Variants in RAI14 observed in about 807,000 individuals in gnomAD.
The protein encoded by RAI14 is retinoic acid induced 14.
Under a neutral mutation model 115.4 loss-of-function variants are expected in RAI14, and 45 were observed. The ratio of observed to expected loss-of-function variants is 0.39; its 90% CI spans 0.31 to 0.50. The LOEUF (loss-of-function observed/expected upper bound fraction) is 0.50. RAI14 is among the 20% of genes least tolerant of loss of function. RAI14 has a pLI of 0.85. For synonymous variants in RAI14, 371 were observed against 415.4 expected (o/e 0.89, Z 1.30); for missense variants, 939 against 1,131.2 (o/e 0.83, Z 2.44).
At chr5:34,804,673 G>A (rs1200454298) in intron 5 of RAI14, among the ~76,000 whole-genome samples, 1 of 152,188 alleles carries the variant, frequency 6.6e-6, no homozygotes, top group Non-Finnish European at 1.5e-5. Flanking sequence ...CCAGTTCCAA[G>A]AATGCTTAAC....
chr5:34,672,912 T>C (rs1743719547), intron 1 of RAI14, among the ~76,000 whole-genome samples: 1 of 152,034 alleles, frequency 6.6e-6, no homozygotes, highest in South Asian at 2.1e-4. Context: ...GTTTTGTTTT[T>C]CCTATTCCTC....
At chr5:34,782,702 C>G (rs541914938) in intron 3 of RAI14, among the ~76,000 whole-genome samples, 1 of 152,304 alleles carries the variant, frequency 6.6e-6, no homozygotes, top group East Asian at 1.9e-4. Flanking sequence ...TGAGGTGCCA[C>G]TATACCTCCA....
chr5:34,766,891 G>A (rs1749453750), intron 3 of RAI14, among the ~76,000 whole-genome samples: 1 of 152,110 alleles, frequency 6.6e-6, no homozygotes, highest in South Asian at 2.1e-4. Context: ...TGAATCATGG[G>A]TGTGGCTTCT....
intron 4 of RAI14, among the ~76,000 whole-genome samples, chr5:34,798,538 T>G (rs1444507969): frequency 3.3e-5 from 5 of 152,190 alleles, no homozygotes; most frequent in Non-Finnish European, 7.3e-5. Context: ...AAATTCTATA[T>G]CCTGCATTTT....
intron 13 of RAI14, among the ~76,000 whole-genome samples, 158 bp from the exon 14 acceptor site, chr5:34,821,574 A>G (rs1315592654): frequency 1.3e-5 from 2 of 152,162 alleles, no homozygotes; most frequent in African/African-American, 4.8e-5. Flanking sequence ...TCCTTTCTAT[A>G]TAAAATGAAA....
intron 1 of RAI14, among the ~76,000 whole-genome samples, chr5:34,664,526 A>C (rs1742954272): frequency 6.6e-6 from 1 of 151,970 alleles, no homozygotes; most frequent in Admixed American, 6.6e-5. Flanking sequence ...TTTAAAGCTC[A>C]ACTTAATTTT....
At chr5:34,757,145 G>A (rs1188692864) in intron 2 of RAI14, among the ~76,000 whole-genome samples, 2 of 152,246 alleles carry the variant, frequency 1.3e-5, no homozygotes, top group East Asian at 1.9e-4. Context: ...CTAGTTCAGC[G>A]AGAAATTAGC....
intron 2 of RAI14, among the ~76,000 whole-genome samples, chr5:34,743,742 T>G (rs1422123980): frequency 6.6e-6 from 1 of 152,226 alleles, no homozygotes; most frequent in Non-Finnish European, 1.5e-5. Context: ...AGACCCCAGC[T>G]TCATAGAAGA....
rs1027577067 is a variant in RAI14, at chr5:34,745,405, C to T, written c.37-12063C>T. Among the ~76,000 whole-genome samples the T allele has an allele frequency of 2.6e-5, 4 of 152,134 alleles. No individual in the cohort carries two copies. The East Asian group carries it at 5.8e-4, about 22-fold the overall frequency. ...TATTTTGGGGACATCTAAGTGGCTC[C>T]CTAATATTTCACCAGGATTTTTCCT... On this transcript the variant is annotated intron_variant, in intron 2 of 17. Transcript: ENST00000265109.
intron 2 of RAI14, among the ~76,000 whole-genome samples, chr5:34,699,901 A>T (rs1739829625): frequency 6.6e-6 from 1 of 152,182 alleles, no homozygotes; most frequent in African/African-American, 2.4e-5. Flanking sequence ...AATCATGGGT[A>T]ATCTTTGACC....
intron 3 of RAI14, among the ~76,000 whole-genome samples, chr5:34,760,553 A>G (rs1218986035): frequency 6.6e-6 from 1 of 152,142 alleles, no homozygotes; most frequent in African/African-American, 2.4e-5. Flanking sequence ...CAACCTCTTC[A>G]TGTCATCCCA....
At chr5:34,752,749 G>GTATATATA (rs71600954) in intron 2 of RAI14, among the ~76,000 whole-genome samples, 12 of 107,056 alleles carry the variant, frequency 1.1e-4, no homozygotes, top group African/African-American at 4.5e-4. Flanking sequence ...GTGTGTGTGT[G>GTATATATA]TATATATATA....
chr5:34,805,797 C>T (rs901444744), intron 5 of RAI14, among the ~76,000 whole-genome samples: 3 of 152,122 alleles, frequency 2.0e-5, no homozygotes, highest in African/African-American at 7.2e-5. Flanking sequence ...GCCAAGATTT[C>T]GCCACTACAC....
chr5:34,810,097 T>C (rs1451660243), intron 7 of RAI14, among the ~76,000 whole-genome samples: 1 of 152,224 alleles, frequency 6.6e-6, no homozygotes, highest in East Asian at 1.9e-4. Flanking sequence ...CCCAGAAATC[T>C]ATCTGAAATT....
At chr5:34,799,685 ATTTTTT>A (rs57115550) in intron 4 of RAI14, among the ~76,000 whole-genome samples, 1 of 103,414 alleles carries the variant, frequency 9.7e-6, no homozygotes, top group South Asian at 3.2e-4. Context: ...ATCTGTTAGC[ATTTTTT>A]TTTTTTTTTT....
intron 2 of RAI14, among the ~76,000 whole-genome samples, chr5:34,711,530 A>G (rs1173305319): frequency 6.6e-6 from 1 of 152,206 alleles, no homozygotes; most frequent in Non-Finnish European, 1.5e-5. Flanking sequence ...GGCCATCTGG[A>G]TGTATATGTG....
intron 5 of RAI14, among the ~76,000 whole-genome samples, chr5:34,806,206 G>A (rs1754872765): frequency 6.6e-6 from 1 of 152,202 alleles, no homozygotes. Flanking sequence ...AGGACCTGAG[G>A]TCACAAAGGT....
At chr5:34,828,370 C>T (rs1280752502) in intron 16 of RAI14, among the ~76,000 whole-genome samples, 1 of 152,058 alleles carries the variant, frequency 6.6e-6, no homozygotes, top group Admixed American at 6.6e-5. Flanking sequence ...GGATCATTCA[C>T]ACAGATATCA....
intron 3 of RAI14, among the ~76,000 whole-genome samples, chr5:34,778,706 A>C (rs2150153298): frequency 6.6e-6 from 1 of 150,976 alleles, no homozygotes; most frequent in Admixed American, 6.6e-5. Context: ...ATTTGAGACC[A>C]GGCTGGGCAA....
Sources: gnomAD v4.1 joint callset for allele counts (sites outside exome capture counted in the v4.1 genomes callset) on GRCh38, gnomAD v4.1.1 for gene constraint, MANE v1.5 for transcripts, NCBI Gene and HGNC (gene_info 2026-07-23, HGNC 2026-07-21) for gene names.